EYS: variants seen among roughly 807,000 people sequenced by gnomAD.
EYS encodes protein eyes shut homolog.
EYS carries 250 observed loss-of-function variants against 282.1 expected under a neutral mutation model. The ratio of observed to expected loss-of-function variants is 0.89; its 90% confidence interval spans 0.80 to 0.98. EYS has a LOEUF of 0.98. Ranked by LOEUF, EYS falls within the 50% of genes least tolerant of loss-of-function variation. The probability of loss-of-function intolerance (pLI) is 0.00; values close to 1 mark genes in which losing one functional copy is unlikely to be tolerated. For synonymous variants in EYS, 1,355 were observed against 1,282.9 expected (o/e 1.06, Z -1.20); for missense variants, 4,016 against 3,709.0 (o/e 1.08, Z -2.15).
intron 22 of EYS, chr6:64,631,427 A>T (rs146871964): frequency 4.6e-5 from 7 of 152,300 alleles, no homozygotes; most frequent in Middle Eastern, 6.8e-3. Context: ...TCATTCTGCT[A>T]GTTACCACTT....
chr6:64,006,755 A>G (rs1241445103), intron 33 of EYS, among the ~76,000 whole-genome samples: 2 of 152,122 alleles, frequency 1.3e-5, no homozygotes, highest in East Asian at 1.9e-4. Context: ...TGAGATAATC[A>G]CGTGGTTTTT....
intron 36 of EYS, among the ~76,000 whole-genome samples, chr6:63,811,365 TTC>T (rs1460027633): frequency 1.3e-5 from 2 of 152,220 alleles, no homozygotes; most frequent in Non-Finnish European, 2.9e-5. Context: ...TAAATGTCAA[TTC>T]TCTGTTTTTA....
chr6:64,809,277 G>GA (rs1305775277), intron 22 of EYS, among the ~76,000 whole-genome samples: 3 of 151,840 alleles, frequency 2.0e-5, no homozygotes, highest in Non-Finnish European at 4.4e-5. Context: ...TATGAACTTT[G>GA]AAAAAAATCA....
intron 11 of EYS, among the ~76,000 whole-genome samples, chr6:65,332,571 G>A (rs1391854018): frequency 6.6e-6 from 1 of 151,342 alleles, no homozygotes; most frequent in Admixed American, 6.6e-5. Context: ...GCTATATAGA[G>A]GGATTGAAAA....
intron 40 of EYS, among the ~76,000 whole-genome samples, chr6:63,766,372 C>T (rs929442085): frequency 6.6e-6 from 1 of 152,004 alleles, no homozygotes; most frequent in African/African-American, 2.4e-5. Flanking sequence ...TTATTATTGT[C>T]TCAAGGCCCC....
intron 12 of EYS, among the ~76,000 whole-genome samples, chr6:65,234,530 T>C (rs1190938808): frequency 1.3e-5 from 2 of 152,196 alleles, no homozygotes; most frequent in Non-Finnish European, 2.9e-5. Context: ...CCATCATTTC[T>C]ACAGCATTAA....
At chr6:65,339,970 A>G (rs1404547396) in intron 10 of EYS, among the ~76,000 whole-genome samples, 3 of 151,220 alleles carry the variant, frequency 2.0e-5, no homozygotes, top group East Asian at 2.0e-4. Context: ...CCTGTAGGCA[A>G]TAAGAAACCT....
At position 64,437,791 on chromosome 6, in the gene EYS, T is replaced by G. The variant is rs192883591; in HGVS notation, c.5835+1371A>C. ...CTCCCAGGCAGGAGTGCCATGGTGC[T>G]ATATATATATACATATTATATTACT... is the stretch of plus-strand genomic sequence containing the variant. On this transcript the variant is annotated intron_variant, in intron 27 of 42. Coordinates refer to ENST00000503581, the MANE Select transcript of EYS (RefSeq NM_001142800.2). Among the ~76,000 whole-genome samples, 1,093 of 150,592 alleles carry G rather than the reference T, an allele frequency of 7.3e-3. 8 individuals are homozygous for G. The highest frequency in any genetic ancestry group is 0.025 in the African/African-American group (1,051 of 41,222).
chr6:64,272,685 T>G (rs754064167), intron 30 of EYS, among the ~76,000 whole-genome samples: 2 of 152,172 alleles, frequency 1.3e-5, no homozygotes, highest in African/African-American at 4.8e-5. Context: ...TGACTGGAAT[T>G]GTATTAAATA....
chr6:65,542,013 C>T (rs902381037), intron 2 of EYS, among the ~76,000 whole-genome samples: 1 of 152,058 alleles, frequency 6.6e-6, no homozygotes, highest in African/African-American at 2.4e-5. Flanking sequence ...TTAAAGAGAG[C>T]TTACACAAAT....
At position 64,595,817 on chromosome 6, in the gene EYS, T is replaced by C. The variant is rs549898724; in HGVS notation, c.3685-2508A>G. ...AATGAAGGGAAAGACATCCCATGGT[T>C]ATGGAGCAGAAGAATTAATATTATT... On this transcript the variant is annotated intron_variant, in intron 24 of 42. Transcript: ENST00000503581. Among the ~76,000 whole-genome samples the C allele has an allele frequency of 4.9e-4, 74 of 152,186 alleles. 2 individuals carry two copies. The South Asian group carries it at 0.015, about 30-fold the overall frequency.
chr6:64,283,240 A>G (rs1768374008), intron 30 of EYS, among the ~76,000 whole-genome samples: 1 of 152,156 alleles, frequency 6.6e-6, no homozygotes, highest in Admixed American at 6.5e-5. Context: ...CCACTTCTTC[A>G]GAGATGCCTT....
intron 13 of EYS, among the ~76,000 whole-genome samples, chr6:65,007,415 T>C (rs995344147): frequency 6.6e-6 from 1 of 152,156 alleles, no homozygotes; most frequent in Non-Finnish European, 1.5e-5. Context: ...CTGGCCACTA[T>C]ACCCTCTTCA....
intron 5 of EYS, among the ~76,000 whole-genome samples, chr6:65,484,876 T>A (rs1281726415): frequency 6.6e-6 from 1 of 152,208 alleles, no homozygotes; most frequent in Non-Finnish European, 1.5e-5. Flanking sequence ...TAAACAAAGT[T>A]TTATTGATAT....
intron 12 of EYS, among the ~76,000 whole-genome samples, chr6:65,059,275 A>G (rs1268024341): frequency 6.6e-6 from 1 of 152,134 alleles, no homozygotes; most frequent in Non-Finnish European, 1.5e-5. Flanking sequence ...GGCTATTGCA[A>G]TCAAGGAGAG....
chr6:64,187,015 T>C (rs1764965796), intron 31 of EYS, among the ~76,000 whole-genome samples: 1 of 152,058 alleles, frequency 6.6e-6, no homozygotes, highest in Non-Finnish European at 1.5e-5. Flanking sequence ...AATGCATAGT[T>C]TTTTTTCCCC....
chr6:64,067,579 C>T (rs1006837517), intron 32 of EYS, among the ~76,000 whole-genome samples: 6 of 152,116 alleles, frequency 3.9e-5, no homozygotes, highest in Non-Finnish European at 7.4e-5. Context: ...ACCATATTCA[C>T]ATAATTTTTA....
chr6:65,121,289 A>T (rs1402908003), intron 12 of EYS, among the ~76,000 whole-genome samples: 3 of 152,126 alleles, frequency 2.0e-5, no homozygotes, highest in Admixed American at 6.5e-5. Flanking sequence ...CTGTTTAGAG[A>T]TGGGGATGAA....
chr6:64,342,541 G>T (rs1260028436), intron 29 of EYS, among the ~76,000 whole-genome samples: 1 of 151,954 alleles, frequency 6.6e-6, no homozygotes, highest in Non-Finnish European at 1.5e-5. Flanking sequence ...CACCAGTCCT[G>T]CCCTAAAAGA....
Sources: gnomAD v4.1 joint callset for allele counts (sites outside exome capture counted in the v4.1 genomes callset) on GRCh38, gnomAD v4.1.1 for gene constraint, MANE v1.5 for transcripts, NCBI Gene and HGNC (gene_info 2026-07-23, HGNC 2026-07-21) for gene names.